Variants in THAP3 observed in about 807,000 individuals in gnomAD.
The protein encoded by THAP3 is THAP domain containing 3.
Under a neutral mutation model 17.7 loss-of-function variants are expected in THAP3, and 12 were observed. The ratio of observed to expected loss-of-function variants is 0.68; its 90% CI spans 0.43 to 1.10. The LOEUF (loss-of-function observed/expected upper bound fraction) is 1.10, where lower values mean the gene tolerates loss of function less well. Among genes scored for constraint, THAP3 ranks in the 50% least tolerant of loss-of-function variants. The probability of loss-of-function intolerance (pLI) is 0.00; values close to 1 mark genes in which losing one functional copy is unlikely to be tolerated. For synonymous variants in THAP3, 133 were observed against 126.9 expected, an observed-to-expected ratio of 1.05 and a Z score of -0.32; for missense variants, 289 against 318.0, an observed-to-expected ratio of 0.91 and a Z score of 0.69.
chr1:6,626,233 C>G (rs771040238), intron 2 of THAP3, among the ~76,000 whole-genome samples: 2 of 152,134 alleles, frequency 1.3e-5, no homozygotes, highest in Non-Finnish European at 2.9e-5. Context: ...TCGCTTGAAC[C>G]CAGCTTCGAG....
At position 6,633,170 on chromosome 1, in the gene THAP3, AC is replaced by A; in HGVS notation, c.*94del. 6 of 1,483,628 alleles carry A rather than the reference AC, an allele frequency of 4.0e-6. No homozygotes were observed. The allele number at this position is 1,483,628 out of a possible 1,614,324, so 91.9% of individuals were successfully genotyped here. ...GTGGACATTTTTGTCTGCTGTGGAC[AC>A]TGAGAAAGTTGGCCATGAGGCCTGC... On this transcript the variant is annotated 3_prime_UTR_variant, in exon 6 of 6. Transcript: ENST00000054650.
chr1:6,634,399 A>C (rs1263284514), downstream of THAP3: 5 of 1,232,374 alleles, frequency 4.1e-6, no homozygotes, highest in East Asian at 1.3e-4. Context: ...ACTGCTTTTC[A>C]AAACCAGAGG....
downstream of THAP3, chr1:6,634,507 GC>G (rs753742546): frequency 3.0e-6 from 4 of 1,349,832 alleles, no homozygotes; most frequent in South Asian, 1.2e-5. Flanking sequence ...GCAGCTTGGG[GC>G]CCCCCGCGCC....
downstream of THAP3, chr1:6,633,942 G>GT: frequency 7.6e-7 from 1 of 1,316,740 alleles, no homozygotes; most frequent in African/African-American, 1.5e-5. Flanking sequence ...TTCCTATTTT[G>GT]TCTAATTTAT....
intron 2 of THAP3, among the ~76,000 whole-genome samples, chr1:6,625,825 C>G (rs1354597654): frequency 6.6e-6 from 1 of 152,200 alleles, no homozygotes; most frequent in Non-Finnish European, 1.5e-5. Flanking sequence ...GTCACGGCAC[C>G]ATTTCTCTAC....
chr1:6,633,306 C>T lies in THAP3; in HGVS notation c.*229C>T. The T allele has an allele frequency of 2.1e-6, 3 of 1,410,476 alleles. No individual in the cohort carries two copies. The highest frequency in any genetic ancestry group is 2.8e-6 in the Non-Finnish European group (3 of 1,085,252). 87.4% of individuals were successfully genotyped at this position (1,410,476 alleles called of 1,614,324 possible). A position where few individuals can be genotyped will look rare whatever the true frequency, so the allele number is the denominator to read the frequency against. ...AGTGCACATCTGTGAGCATGACAAG[C>T]TTATCCTCCCATGGTAACAGAAGTC... is the stretch of plus-strand genomic sequence containing the variant. On this transcript the variant is annotated 3_prime_UTR_variant, in exon 6 of 6. Coordinates refer to ENST00000054650, the MANE Select transcript of THAP3 (RefSeq NM_001195753.2).
At chr1:6,634,643 C>A (rs763209518), downstream of THAP3, 1 of 1,366,518 alleles carries the variant, frequency 7.3e-7, no homozygotes, top group African/African-American at 1.5e-5. Flanking sequence ...AGGTCCAGGC[C>A]GTGGAGGGGG....
Position 6,633,186 on chromosome 1 carries a change from A to G in THAP3, c.*109A>G. On this transcript the variant is annotated 3_prime_UTR_variant, in exon 6 of 6. Transcript: ENST00000054650. ...GCTGTGGACACTGAGAAAGTTGGCC[A>G]TGAGGCCTGCTTGGCCGGGGATCGA... 1.4e-6 allele frequency: 2 copies of G among 1,471,496 alleles called. No individual in the cohort carries two copies. The highest frequency in any genetic ancestry group is 1.8e-6 in the Non-Finnish European group (2 of 1,114,956). 91.2% of individuals were successfully genotyped at this position (1,471,496 alleles called of 1,614,324 possible).
Position 6,632,959 on chromosome 1 carries a change from A to T in THAP3, c.602A>T (p.Lys201Met). The T allele has an allele frequency of 6.2e-7, 1 of 1,612,944 alleles. No individual in the cohort carries two copies. Among genetic ancestry groups the T allele is most frequent in the Non-Finnish European group, 8.5e-7 (1 of 1,179,894 alleles). ...TTCCTCACTCTGAAGGAAAATGAAA[A>T]GCTCCGGAAGCGCTTGCAGGCCCAG... ...KLFLTLKENE[K>M]LRKRLQAQRL... Residue 201 changes from lysine to methionine, a missense_variant, in exon 6 of 6, where the codon AAG (lysine) becomes ATG (methionine). Transcript: ENST00000054650.
Position 6,624,990 on chromosome 1 carries a change from G to GT in THAP3, c.-70+39dup, listed in dbSNP as rs201630858. The GT allele has an allele frequency of 6.2e-3, 3,373 of 545,740 alleles. 108 individuals carry two copies. In the African/African-American group the frequency reaches 0.063, roughly 10 times the overall value. 33.8% of individuals were successfully genotyped at this position (545,740 alleles called of 1,614,324 possible). On this transcript the variant is annotated intron_variant, in intron 1 of 5. Transcript: ENST00000054650. Reference sequence around the variant, plus strand: ...CACAGGCCCAAGGCTAGGAGTTGGGGTTTCGGGCCTGAATTGGGGCCCGGA... The same window carrying GT: ...CACAGGCCCAAGGCTAGGAGTTGGGGTTTTCGGGCCTGAATTGGGGCCCGGA...
At chr1:6,633,777 GCACA>G (rs1641694886), downstream of THAP3, among the ~76,000 whole-genome samples, 1 of 152,046 alleles carries the variant, frequency 6.6e-6, no homozygotes, top group South Asian at 2.1e-4. Flanking sequence ...AGGCGTGGTG[GCACA>G]CACCTGTAGT....
chr1:6,632,698 C>A, intron 5 of THAP3, 98 bp from the exon 6 acceptor site: 1 of 1,506,640 alleles, frequency 6.6e-7, no homozygotes, highest in Non-Finnish European at 9.1e-7. Context: ...TGTCTAGCTG[C>A]CCTGGGGTTG....
downstream of THAP3, chr1:6,635,164 C>T: frequency 5.8e-6 from 1 of 171,154 alleles, no homozygotes; most frequent in Admixed American, 5.5e-5. Context: ...GCTCCAGATT[C>T]AAGCAGTAAT....
At chr1:6,630,803 C>T (rs1641589630) in intron 4 of THAP3, among the ~76,000 whole-genome samples, 1 of 151,994 alleles carries the variant, frequency 6.6e-6, no homozygotes, top group African/African-American at 2.4e-5. Flanking sequence ...AACTCCTGAC[C>T]TCAGGTGATC....
At chr1:6,634,198 G>T, downstream of THAP3, 2 of 1,082,404 alleles carry the variant, frequency 1.8e-6, no homozygotes, top group Non-Finnish European at 2.7e-6. Context: ...ATTGTGGTGA[G>T]TGCCTTCTGT....
chr1:6,631,245 G>A (rs1641605832), intron 4 of THAP3, among the ~76,000 whole-genome samples: 1 of 150,040 alleles, frequency 6.7e-6, no homozygotes, highest in Non-Finnish European at 1.5e-5. Context: ...TCAAACTCTT[G>A]GATTCAGGGG....
chr1:6,626,807 C>G (rs1348709476), intron 2 of THAP3, among the ~76,000 whole-genome samples: 1 of 152,278 alleles, frequency 6.6e-6, no homozygotes, highest in Non-Finnish European at 1.5e-5. Context: ...GATCGCACCA[C>G]TACACTCCAT....
At chr1:6,631,365 C>T (rs539785480) in intron 4 of THAP3, among the ~76,000 whole-genome samples, 121 of 152,190 alleles carry the variant, frequency 8.0e-4, no homozygotes, top group South Asian at 4.6e-3. Context: ...AGGTGGCTCA[C>T]GCTTATAATC....
chr1:6,631,194 T>A (rs1292472898), intron 4 of THAP3, among the ~76,000 whole-genome samples: 2 of 151,872 alleles, frequency 1.3e-5, no homozygotes, highest in Non-Finnish European at 2.9e-5. Context: ...TTTTTTTTTT[T>A]TTTTAGAAAT....
Sources: allele counts gnomAD v4.1 joint callset (sites outside exome capture counted in the v4.1 genomes callset), GRCh38; gene constraint gnomAD v4.1.1; transcripts MANE v1.5; gene names NCBI Gene and HGNC (gene_info 2026-07-23, HGNC 2026-07-21).